The following SOAT1 variants were observed in gnomAD, a reference collection of about 807,000 sequenced individuals.
SOAT1 encodes sterol O-acyltransferase 1.
SOAT1 carries 55 observed loss-of-function variants against 69.5 expected under a neutral mutation model. The observed-to-expected ratio is 0.79, with a 90% CI of 0.64 to 0.99. SOAT1 has a LOEUF of 0.99. SOAT1 is among the 50% of genes least tolerant of loss of function. SOAT1 has a pLI of 0.00. For synonymous variants in SOAT1, 231 were observed against 224.7 expected (o/e 1.03, Z -0.25); for missense variants, 580 against 669.3 (o/e 0.87, Z 1.47).
chr1:179,316,401 T>A (rs1356931500), intron 2 of SOAT1, among the ~76,000 whole-genome samples: 1 of 152,176 alleles, frequency 6.6e-6, no homozygotes, highest in African/African-American at 2.4e-5. Context: ...TTATTATTAT[T>A]ATTTTTTCTT....
chr1:179,312,321 T>C (rs1454060973), intron 2 of SOAT1, among the ~76,000 whole-genome samples: 2 of 152,094 alleles, frequency 1.3e-5, no homozygotes, highest in East Asian at 1.9e-4. Flanking sequence ...TCCAGGAAAT[T>C]GGTGGTGGTG....
In SOAT1 at chr1:179,302,786, A is replaced by G; in HGVS notation, c.102A>G (p.Leu34=). The change falls in exon 2 of 16, where the codon CTA becomes CTG. Residue 34 remains leucine, a synonymous_variant. Coordinates refer to ENST00000367619, the MANE Select transcript of SOAT1 (RefSeq NM_003101.6). The stretch of plus-strand genomic sequence containing the variant: ...AGAGAAACCCTGCAAAGGAGTCCCT[A>G]GAGACACCTAGTAATGGTGAGGCTT... The part of the protein sequence containing the change: ...EDQRNPAKES[L]ETPSNGRIDI... The G allele has an allele frequency of 6.3e-7, 1 of 1,580,474 alleles. No homozygotes were observed. The highest frequency in any genetic ancestry group is 8.6e-7 in the Non-Finnish European group (1 of 1,169,486).
intron 8 of SOAT1, 71 bp from the exon 9 acceptor site, chr1:179,342,791 A>G (rs1666385583): frequency 9.4e-7 from 1 of 1,069,040 alleles, no homozygotes; most frequent in East Asian, 2.4e-5. Flanking sequence ...GTGCTTCCTT[A>G]TATTCCCCCC....
At chr1:179,320,442 AT>A (rs905981974) in intron 2 of SOAT1, among the ~76,000 whole-genome samples, 127 of 148,006 alleles carry the variant, frequency 8.6e-4, no homozygotes, top group African/African-American at 2.7e-3. Context: ...CAGCTTTGTT[AT>A]TTTTTTTTTC....
chr1:179,315,395 TC>T (rs1378300344), intron 2 of SOAT1, among the ~76,000 whole-genome samples: 7 of 151,862 alleles, frequency 4.6e-5, no homozygotes, highest in African/African-American at 1.7e-4. Context: ...GCCTAGGAGT[TC>T]CAGGCCACAG....
chr1:179,343,540 A>G, intron 9 of SOAT1, 50 bp from the exon 10 acceptor site: 1 of 1,502,472 alleles, frequency 6.7e-7, no homozygotes, highest in Non-Finnish European at 9.2e-7. Context: ...TCTTTATTCA[A>G]GTTCAATTAC....
chr1:179,303,170 C>G (rs538178267), intron 2 of SOAT1, among the ~76,000 whole-genome samples: 6 of 152,166 alleles, frequency 3.9e-5, no homozygotes, highest in Non-Finnish European at 8.8e-5. Context: ...AGATTTATCA[C>G]AGTGTAATAT....
chr1:179,353,808 T>G lies in SOAT1; in HGVS notation c.*167T>G. 1.6e-6 allele frequency: 1 copy of G among 640,486 alleles called. No individual in the cohort carries two copies. Among genetic ancestry groups the G allele is most frequent in the Non-Finnish European group, 2.8e-6 (1 of 362,684 alleles). The allele number at this position is 640,486 out of a possible 1,614,324, so 39.7% of individuals were successfully genotyped here. ...TCACTTGAAGCCAAACTGTTGGAAG[T>G]TCACTGGAGTCTTGTACACTTAAGC... On this transcript the variant is annotated 3_prime_UTR_variant, in exon 16 of 16. Coordinates refer to ENST00000367619, the MANE Select transcript of SOAT1 (RefSeq NM_003101.6).
At chr1:179,294,154 C>A (rs1010938486) in intron 1 of SOAT1, among the ~76,000 whole-genome samples, 1 of 152,244 alleles carries the variant, frequency 6.6e-6, no homozygotes, top group East Asian at 1.9e-4. Flanking sequence ...CCTTTTAAAC[C>A]CTGCACGCTG....
rs1666312283 is a variant in SOAT1, at chr1:179,340,898, A to T, written c.498-130A>T. The T allele has an allele frequency of 4.2e-6, 3 of 713,500 alleles. No individual in the cohort carries two copies. In the South Asian group the frequency reaches 5.9e-5, roughly 14 times the overall value. 44.2% of individuals were successfully genotyped at this position (713,500 alleles called of 1,614,324 possible). On this transcript the variant is annotated intron_variant, in intron 6 of 15. Coordinates refer to ENST00000367619, the MANE Select transcript of SOAT1 (RefSeq NM_003101.6). ...AACTAGCAGAACTATTACATCCATG[A>T]CTTCAGCGTATTAACGTTGTGGTGT...
intron 11 of SOAT1, among the ~76,000 whole-genome samples, chr1:179,345,338 C>T (rs905517418): frequency 6.6e-6 from 1 of 152,120 alleles, no homozygotes; most frequent in African/African-American, 2.4e-5. Flanking sequence ...TCTTCCTGTT[C>T]GCTATTAAGT....
chr1:179,333,103 AG>A (rs1476955530), intron 3 of SOAT1, among the ~76,000 whole-genome samples: 2 of 152,224 alleles, frequency 1.3e-5, no homozygotes, highest in Non-Finnish European at 2.9e-5. Context: ...ACTAAATGAT[AG>A]GATTTGCTTA....
chr1:179,338,547 G>A (rs983639157), intron 5 of SOAT1, among the ~76,000 whole-genome samples: 3 of 152,168 alleles, frequency 2.0e-5, no homozygotes, highest in Non-Finnish European at 4.4e-5. Flanking sequence ...CATGTAATGT[G>A]CTGTTCAGTG....
chr1:179,335,044 A>G (rs986537520), intron 3 of SOAT1, among the ~76,000 whole-genome samples: 3 of 151,764 alleles, frequency 2.0e-5, no homozygotes, highest in Admixed American at 6.6e-5. Context: ...AAAAGAAAGA[A>G]AAAAGAGAAC....
At position 179,337,903 on chromosome 1, in the gene SOAT1, ATT is replaced by A; in HGVS notation, c.389+11_389+12del. 6.3e-7 allele frequency: 1 copy of A among 1,584,398 alleles called. No homozygotes were observed. The highest frequency in any genetic ancestry group is 8.6e-7 in the Non-Finnish European group (1 of 1,163,210). On this transcript the variant is annotated splice_region_variant and intron_variant, in intron 5 of 15. Transcript: ENST00000367619. ...CAAGGCGCTCTCTCTTAGAGTGAGT[ATT>A]TTTAGTTGTTTTTAAATATGTTTGA...
intron 8 of SOAT1, 136 bp from the exon 9 acceptor site, chr1:179,342,726 G>A (rs923914460): frequency 3.4e-5 from 21 of 612,484 alleles, no homozygotes; most frequent in Admixed American, 8.2e-5. Flanking sequence ...AAGTCATTCC[G>A]GAGATCAGGA....
chr1:179,338,609 G>C (rs879612946), intron 5 of SOAT1, among the ~76,000 whole-genome samples: 5 of 152,144 alleles, frequency 3.3e-5, no homozygotes, highest in Non-Finnish European at 7.3e-5. Flanking sequence ...ACTGTAGTTT[G>C]AAGGAATTAA....
intron 7 of SOAT1, among the ~76,000 whole-genome samples, chr1:179,341,536 C>CTTTTTTTTTTTTTT (rs774077684): frequency 7.2e-6 from 1 of 138,976 alleles, no homozygotes; most frequent in Non-Finnish European, 1.6e-5. Context: ...TTACGTTGAA[C>CTTTTTTTTTTTTTT]TTTTTTTTTT....
intron 2 of SOAT1, among the ~76,000 whole-genome samples, chr1:179,319,287 A>G (rs1382542797): frequency 2.1e-5 from 3 of 142,584 alleles, no homozygotes; most frequent in African/African-American, 7.8e-5. Context: ...TTTTTTTTTA[A>G]AAGACAGAGT....
Sources: allele counts gnomAD v4.1 joint callset (sites outside exome capture counted in the v4.1 genomes callset), GRCh38; gene constraint gnomAD v4.1.1; transcripts MANE v1.5; gene names NCBI Gene and HGNC (gene_info 2026-07-23, HGNC 2026-07-21).